FKRP: variants seen among roughly 807,000 people sequenced by gnomAD.
FKRP encodes the protein ribitol 5-phosphate transferase FKRP.
FKRP carries 25 observed loss-of-function variants against 30.6 expected under a neutral mutation model. That is an observed-to-expected ratio of 0.82 (90% CI 0.60 to 1.14). FKRP has a LOEUF of 1.14. FKRP is among the 50% of genes most tolerant of loss of function. The pLI is 0.00. For missense variants in FKRP, 771 were observed against 727.8 expected, an observed-to-expected ratio of 1.06 and a Z score of -0.68; for synonymous variants, 358 against 342.5, an observed-to-expected ratio of 1.05 and a Z score of -0.50.
chr19:46,755,593 G>A lies in FKRP; in HGVS notation c.143G>A (p.Arg48His). 3 of 1,606,266 alleles carry A rather than the reference G, an allele frequency of 1.9e-6. No homozygotes were observed. Among genetic ancestry groups the A allele is most frequent in the Non-Finnish European group, 1.7e-6 (2 of 1,177,274 alleles). ...CGTCGTGCCTCTGCTGCCGGCCCCC[G>A]TGTCACCGTCCTGGTGCGGGAGTTC... ...GPRRASAAGP[R>H]VTVLVREFEA... The change falls in exon 4 of 4, where the codon CGT becomes CAT. Residue 48 changes from arginine (R) to histidine (H), a missense_variant. By Grantham distance (29) the Arg-to-His change is conservative (BLOSUM62 0). Transcript: ENST00000318584.
intron 1 of FKRP, chr19:46,746,513 G>A (rs1351907535): frequency 3.8e-6 from 3 of 785,824 alleles, no homozygotes; most frequent in East Asian, 2.9e-4. Flanking sequence ...CTCCCCCGCC[G>A]CAACCACCGC....
At chr19:46,746,496 C>A (rs956081927) in intron 1 of FKRP, 27 of 750,830 alleles carry the variant, frequency 3.6e-5, no homozygotes, top group Non-Finnish European at 3.9e-5. Flanking sequence ...CGCCAACACC[C>A]CCCCCCCTCC....
At position 46,756,086 on chromosome 19, in the gene FKRP, G is replaced by A. The variant is rs370099812; in HGVS notation, c.636G>A (p.Ala212=). Residue 212 remains alanine, a synonymous_variant, in exon 4 of 4, where the codon GCG becomes GCA. Transcript: ENST00000318584. This position sits in a 1 kb window ranked among gnomAD's most constrained non-coding sequence, Gnocchi z 6.6. ...CCCGCGACCTCTTCAACCTCTCGGC[G>A]CCCCTGGCCCGGCCGGTGGGCACCA... is the stretch of plus-strand genomic sequence containing the variant. The part of the protein sequence containing the change: ...LRARDLFNLS[A]PLARPVGTSL... 1,800 of 1,544,314 alleles carry A rather than the reference G, an allele frequency of 1.2e-3. 13 individuals carry two copies. The highest frequency in any genetic ancestry group is 3.1e-3 in the South Asian group (263 of 84,498).
Position 46,746,082 on chromosome 19 carries a change from C to T in FKRP, c.-261C>T. The T allele has an allele frequency of 1.6e-6, 2 of 1,275,092 alleles. No individual in the cohort carries two copies. The highest frequency in any genetic ancestry group is 2.0e-6 in the Non-Finnish European group (2 of 1,007,844). 79.0% of individuals were successfully genotyped at this position (1,275,092 alleles called of 1,614,324 possible). A position where few individuals can be genotyped will look rare whatever the true frequency, so the allele number is the denominator to read the frequency against. On this transcript the variant is annotated 5_prime_UTR_variant, in exon 1 of 4. Coordinates refer to ENST00000318584, the MANE Select transcript of FKRP (RefSeq NM_024301.5). ...CATTGCTCCAAGATGGCGGCGGCGG[C>T]GGCAGCGGGTGAGGCCGGGCCGGGC...
chr19:46,755,727 C>G lies in FKRP; in HGVS notation c.277C>G (p.Leu93Val). The G allele has an allele frequency of 1.9e-6, 3 of 1,572,954 alleles. No individual in the cohort carries two copies. The highest frequency in any genetic ancestry group is 2.6e-6 in the Non-Finnish European group (3 of 1,166,780). ...ADTLPYPPLALPRIPNVRLAL... is the reference protein window; with the variant it reads ...ADTLPYPPLAVPRIPNVRLAL... The stretch of plus-strand genomic sequence containing the variant: ...CACGCTCCCCTACCCGCCCCTGGCC[C>G]TGCCCCGCATCCCCAACGTGCGTCT... Residue 93 changes from leucine to valine, a missense_variant, in exon 4 of 4, where the codon CTG (leucine) becomes GTG (valine). Leu to Val is a conservative substitution (Grantham distance 32, BLOSUM62 1). Transcript: ENST00000318584.
Position 46,756,413 on chromosome 19 carries a change from G to T in FKRP, c.963G>T (p.Ala321=). ...GGACGCCCCCCTGCTGCCTGCGCGCGCTGCGCGAGACCGCCCGCTATGTGG... is the reference window on the plus strand; with the variant it reads ...GGACGCCCCCCTGCTGCCTGCGCGCTCTGCGCGAGACCGCCCGCTATGTGG... ...ERWTPPCCLR[A]LRETARYVVG... is the part of the protein sequence containing the mutation. The change falls in exon 4 of 4, where the codon GCG becomes GCT. Residue 321 remains alanine (A), a synonymous_variant. Coordinates refer to ENST00000318584, the MANE Select transcript of FKRP (RefSeq NM_024301.5). The surrounding 1 kb of genome is among the most constrained non-coding windows in gnomAD (Gnocchi z 6.6). 1 of 1,575,966 alleles carries T rather than the reference G, an allele frequency of 6.3e-7. No homozygotes were observed. The highest frequency in any genetic ancestry group is 1.2e-5 in the South Asian group (1 of 86,488).
In FKRP at chr19:46,758,429, C is replaced by T. The variant is rs1201210535; in HGVS notation, c.*1491C>T. 1.8e-5 allele frequency: 3 copies of T among 166,886 alleles called. No individual in the cohort carries two copies. The highest frequency in any genetic ancestry group is 1.3e-4 in the Admixed American group (2 of 15,260). 10.3% of individuals were successfully genotyped at this position (166,886 alleles called of 1,614,324 possible). On this transcript the variant is annotated 3_prime_UTR_variant, in exon 4 of 4. Transcript: ENST00000318584. ...GTGTATATTTATTTATAAATATATA[C>T]AGATACTATTATCTGTATGTTAGTA...
In FKRP at chr19:46,756,031, T is replaced by A. The variant is rs398124393; in HGVS notation, c.581T>A (p.Leu194Gln). 1 of 1,579,408 alleles carries A rather than the reference T, an allele frequency of 6.3e-7. No homozygotes were observed. The highest frequency in any genetic ancestry group is 8.5e-7 in the Non-Finnish European group (1 of 1,171,362). ...CCCGCCGCGCCCCGCTGCGACGCCC[T>A]GGACGGAGATGCTGTGGTGCTCCTG... ...AAPAAPRCDA[L>Q]DGDAVVLLRA... Residue 194 changes from leucine (L) to glutamine (Q), a missense_variant, in exon 4 of 4, where the codon CTG (leucine) becomes CAG (glutamine). Physicochemically the swap from Leu to Gln is moderately radical, Grantham distance 113. Coordinates refer to ENST00000318584, the MANE Select transcript of FKRP (RefSeq NM_024301.5). This position sits in a 1 kb window ranked among gnomAD's most constrained non-coding sequence, Gnocchi z 6.6.
upstream of FKRP, chr19:46,745,991 G>T: frequency 1.1e-6 from 1 of 946,970 alleles, no homozygotes; most frequent in Non-Finnish European, 1.4e-6. Context: ...CCCTCGGACG[G>T]CCCCTCACTC....
rs1331506516 is a variant in FKRP, at chr19:46,756,261, G to A, written c.811G>A (p.Ala271Thr). Residue 271 changes from alanine (A) to threonine (T), a missense_variant, in exon 4 of 4, where the codon GCG becomes ACG. Coordinates refer to ENST00000318584, the MANE Select transcript of FKRP (RefSeq NM_024301.5). This position sits in a 1 kb window ranked among gnomAD's most constrained non-coding sequence, Gnocchi z 6.6. ...GRARRAALLRALGIRLVSWEG... is the reference protein window; with the variant it reads ...GRARRAALLRTLGIRLVSWEG... ...CGCTCGGCGGGCGGCGCTGCTCCGC[G>A]CGCTGGGCATCCGCCTAGTGAGCTG... The A allele has an allele frequency of 6.7e-7, 1 of 1,493,728 alleles. No individual in the cohort carries two copies. Among genetic ancestry groups the A allele is most frequent in the Non-Finnish European group, 8.9e-7 (1 of 1,124,488 alleles). The allele number at this position is 1,493,728 out of a possible 1,614,324, so 92.5% of individuals were successfully genotyped here.
chr19:46,755,572 G>T lies in FKRP; in HGVS notation c.122G>T (p.Arg41Leu), dbSNP rs201497063. 1.6e-5 allele frequency: 25 copies of T among 1,606,434 alleles called. No homozygotes were observed. In the East Asian group the frequency reaches 5.4e-4, roughly 35 times the overall value. The change falls in exon 4 of 4, where the codon CGT (arginine) becomes CTT (leucine). Residue 41 changes from arginine to leucine, a missense_variant. Arg to Leu is a moderately radical substitution (Grantham distance 102, BLOSUM62 -2). Coordinates refer to ENST00000318584, the MANE Select transcript of FKRP (RefSeq NM_024301.5). ...AATTCCCGGGCCCGGGGGCCCCGTC[G>T]TGCCTCTGCTGCCGGCCCCCGTGTC... Reference protein sequence around the residue: ...PRNSRARGPRRASAAGPRVTV... With the variant: ...PRNSRARGPRLASAAGPRVTV...
chr19:46,755,078 C>A (rs1317721254), intron 3 of FKRP, among the ~76,000 whole-genome samples: 1 of 151,954 alleles, frequency 6.6e-6, no homozygotes, highest in Non-Finnish European at 1.5e-5. Context: ...ACCTTTTCAT[C>A]TTCCCAAACT....
chr19:46,754,677 G>A (rs923100221), intron 3 of FKRP, among the ~76,000 whole-genome samples: 3 of 151,974 alleles, frequency 2.0e-5, no homozygotes, highest in South Asian at 2.1e-4. Context: ...TGCCATCTCC[G>A]CTCACTGCAA....
rs1368455475 is a variant in FKRP, at chr19:46,757,556, T to G, written c.*618T>G. On this transcript the variant is annotated 3_prime_UTR_variant, in exon 4 of 4. Coordinates refer to ENST00000318584, the MANE Select transcript of FKRP (RefSeq NM_024301.5). The stretch of plus-strand genomic sequence containing the variant: ...CAGTACGCCCAGGGCCTGTGTTCCA[T>G]AGCCATCTACTCTCTTGAGCCTTTG... 3 of 175,226 alleles carry G rather than the reference T, an allele frequency of 1.7e-5. No individual in the cohort carries two copies. The highest frequency in any genetic ancestry group is 4.1e-5 in the Non-Finnish European group (3 of 72,518). 10.9% of individuals were successfully genotyped at this position (175,226 alleles called of 1,614,324 possible).
At chr19:46,752,829 C>T (rs2054819933) in intron 3 of FKRP, among the ~76,000 whole-genome samples, 1 of 151,910 alleles carries the variant, frequency 6.6e-6, no homozygotes, top group Non-Finnish European at 1.5e-5. Flanking sequence ...TGCACCACTG[C>T]ACTCAAGCTT....
At position 46,756,012 on chromosome 19, in the gene FKRP, G is replaced by GCGCCC. The variant is rs1555738568; in HGVS notation, c.566_570dup (p.Cys191ProfsTer50). 1.3e-6 allele frequency: 2 copies of GCGCCC among 1,568,424 alleles called. No individual in the cohort carries two copies. Among genetic ancestry groups the GCGCCC allele is most frequent in the East Asian group, 4.7e-5 (2 of 42,768 alleles). On this transcript the variant is annotated frameshift_variant, in exon 4 of 4. Transcript: ENST00000318584. LOFTEE classifies it high-confidence loss of function. The surrounding 1 kb of genome is among the most constrained non-coding windows in gnomAD (Gnocchi z 6.6). ...CGCCCGCTATGGCGCAGCCCCCGCC[G>GCGCCC]CGCCCCGCTGCGACGCCCTGGACGG...
chr19:46,747,523 A>T (rs1026535789), intron 1 of FKRP: 4 of 150,922 alleles, frequency 2.7e-5, no homozygotes, highest in Non-Finnish European at 5.9e-5. Context: ...CCTCCCAAGT[A>T]GCTGGGATTA....
chr19:46,747,482 C>T (rs1298772291), intron 1 of FKRP: 7 of 151,694 alleles, frequency 4.6e-5, no homozygotes, highest in Non-Finnish European at 2.9e-5. Context: ...CAACCTCCGC[C>T]TCCCCGGTTC....
chr19:46,746,802 T>C, intron 1 of FKRP: 1 of 152,246 alleles, frequency 6.6e-6, no homozygotes, highest in Non-Finnish European at 1.5e-5. Context: ...GGACAATTAC[T>C]TTTACTCTGA....
Sources: allele counts gnomAD v4.1 joint callset (sites outside exome capture counted in the v4.1 genomes callset), GRCh38; gene constraint gnomAD v4.1.1; non-coding constraint Gnocchi (gnomAD v3.1); transcripts MANE v1.5; gene names NCBI Gene and HGNC (gene_info 2026-07-23, HGNC 2026-07-21).